Variants in PDCD1LG2 observed in about 807,000 individuals in gnomAD.
PDCD1LG2 encodes programmed cell death 1 ligand 2.
A neutral mutation model predicts 28.2 loss-of-function variants in PDCD1LG2; 32 were observed. The ratio of observed to expected loss-of-function variants is 1.13; its 90% CI spans 0.86 to 1.52. The LOEUF is 1.52. Among genes scored for constraint, PDCD1LG2 ranks in the 40% most tolerant of loss-of-function variants. The pLI is 0.00. For synonymous variants in PDCD1LG2, 116 were observed against 120.2 expected, an observed-to-expected ratio of 0.97 and a Z score of 0.23; for missense variants, 385 against 323.8, an observed-to-expected ratio of 1.19 and a Z score of -1.45.
At chr9:5,530,375 T>C (rs1820458714) in intron 2 of PDCD1LG2, among the ~76,000 whole-genome samples, 1 of 152,088 alleles carries the variant, frequency 6.6e-6, no homozygotes, top group Non-Finnish European at 1.5e-5. Flanking sequence ...TTCTCCTTTG[T>C]CTAATACCTT....
Position 5,569,474 on chromosome 9 carries a change from CCT to C in PDCD1LG2, c.817-472_817-471del, listed in dbSNP as rs1206862657. Among the ~76,000 whole-genome samples, 6 of 152,262 alleles carry C rather than the reference CCT, an allele frequency of 3.9e-5. 1 individual carries two copies. The South Asian group carries it at 6.2e-4, about 16-fold the overall frequency. ...GGTTGCTGAGGAATAGATACCCCAA[CCT>C]CTCTCTCAACCCACTGCAACACTCT... On this transcript the variant is annotated intron_variant, in intron 6 of 6. Coordinates refer to ENST00000397747, the MANE Select transcript of PDCD1LG2 (RefSeq NM_025239.4). The surrounding 1 kb of genome is among the most constrained non-coding windows in gnomAD (Gnocchi z 4.1).
Position 5,559,538 on chromosome 9 carries a change from A to G in PDCD1LG2, c.766+1786A>G, listed in dbSNP as rs1442298817. Among the ~76,000 whole-genome samples the G allele has an allele frequency of 2.0e-5, 3 of 152,154 alleles. No individual in the cohort carries two copies. The East Asian group carries it at 5.8e-4, about 29-fold the overall frequency. ...CTTTCTGACCTTGTACAAATTGCCTATCTTCTTTGAGATGGTCTTTCTATC... is the reference window on the plus strand; with the variant it reads ...CTTTCTGACCTTGTACAAATTGCCTGTCTTCTTTGAGATGGTCTTTCTATC... On this transcript the variant is annotated intron_variant, in intron 5 of 6. Transcript: ENST00000397747.
At position 5,570,686 on chromosome 9, in the gene PDCD1LG2, T is replaced by C. The variant is rs1816754215; in HGVS notation, c.*727T>C. 1 of 232,280 alleles carries C rather than the reference T, an allele frequency of 4.3e-6. No individual in the cohort carries two copies. The highest frequency in any genetic ancestry group is 2.2e-5 in the African/African-American group (1 of 45,310). 14.4% of individuals were successfully genotyped at this position (232,280 alleles called of 1,614,324 possible). A position where few individuals can be genotyped will look rare whatever the true frequency, so the allele number is the denominator to read the frequency against. On this transcript the variant is annotated 3_prime_UTR_variant, in exon 7 of 7. Coordinates refer to ENST00000397747, the MANE Select transcript of PDCD1LG2 (RefSeq NM_025239.4). ...ATCTTTCCTTTAAAAATTATTGGTTTCTTTTTATTTGTTTTTACCTTAGAA... is the reference window on the plus strand; with the variant it reads ...ATCTTTCCTTTAAAAATTATTGGTTCCTTTTTATTTGTTTTTACCTTAGAA...
chr9:5,552,698 C>T (rs1165394826), intron 4 of PDCD1LG2, among the ~76,000 whole-genome samples: 1 of 152,100 alleles, frequency 6.6e-6, no homozygotes, highest in Non-Finnish European at 1.5e-5. Context: ...GACCAGACTC[C>T]AAGAACTTTG....
chr9:5,514,196 A>C (rs1297566292), intron 1 of PDCD1LG2, among the ~76,000 whole-genome samples: 2 of 152,232 alleles, frequency 1.3e-5, no homozygotes, highest in East Asian at 3.8e-4. Flanking sequence ...TGCACAGACC[A>C]GAGAATTCCA....
intron 4 of PDCD1LG2, among the ~76,000 whole-genome samples, chr9:5,549,977 C>A (rs1228850772): frequency 1.3e-5 from 2 of 152,284 alleles, no homozygotes; most frequent in Non-Finnish European, 2.9e-5. Flanking sequence ...TTGGCTGAAC[C>A]CAGCTAGAAG....
intron 1 of PDCD1LG2, among the ~76,000 whole-genome samples, chr9:5,519,425 C>T (rs1820232555): frequency 6.6e-6 from 1 of 152,094 alleles, no homozygotes; most frequent in South Asian, 2.1e-4. Flanking sequence ...GTCAGCAAGG[C>T]CCCAGGTGTC....
At chr9:5,517,243 A>T (rs1820184772) in intron 1 of PDCD1LG2, among the ~76,000 whole-genome samples, 1 of 152,218 alleles carries the variant, frequency 6.6e-6, no homozygotes, top group Non-Finnish European at 1.5e-5. Context: ...GAGAAAAAAC[A>T]ATGAAAGTGT....
intron 2 of PDCD1LG2, among the ~76,000 whole-genome samples, chr9:5,532,803 T>C (rs573879650): frequency 1.6e-4 from 24 of 152,328 alleles, no homozygotes; most frequent in Non-Finnish European, 3.1e-4. Flanking sequence ...AATTAAAACA[T>C]GGTACGAAAG....
chr9:5,543,309 G>A (rs1483082135), intron 3 of PDCD1LG2, among the ~76,000 whole-genome samples: 1 of 152,118 alleles, frequency 6.6e-6, no homozygotes, highest in East Asian at 1.9e-4. Flanking sequence ...GGAGGCCGAG[G>A]TGGGCAGATC....
At chr9:5,563,093 T>C in intron 5 of PDCD1LG2, 69 bp from the exon 6 acceptor site, 1 of 1,222,484 alleles carries the variant, frequency 8.2e-7, no homozygotes, top group African/African-American at 1.5e-5. Context: ...TGTCCTGCCA[T>C]ATTTTAATCT....
At chr9:5,523,140 C>A (rs1443353098) in intron 2 of PDCD1LG2, among the ~76,000 whole-genome samples, 1 of 152,186 alleles carries the variant, frequency 6.6e-6, no homozygotes, top group African/African-American at 2.4e-5. Flanking sequence ...CCCAAATGAA[C>A]AATGAACCTT....
rs1387262930 is a variant in PDCD1LG2 at position 5,569,982 on chromosome 9, G to A, written c.*23G>A. 1.9e-6 allele frequency: 3 copies of A among 1,613,968 alleles called. 1 individual carries two copies. The highest frequency in any genetic ancestry group is 2.7e-5 in the African/African-American group (2 of 75,008). On this transcript the variant is annotated 3_prime_UTR_variant, in exon 7 of 7. Transcript: ENST00000397747. The surrounding 1 kb of genome is among the most constrained non-coding windows in gnomAD (Gnocchi z 4.1). Reference sequence around the variant, plus strand: ...TGAACCTGTGGTCTTGGGAGCCAGGGTGACCTGATATGACATCTAAAGAAG... The same window carrying A: ...TGAACCTGTGGTCTTGGGAGCCAGGATGACCTGATATGACATCTAAAGAAG...
chr9:5,514,973 T>C (rs1820129255), intron 1 of PDCD1LG2, among the ~76,000 whole-genome samples: 1 of 152,034 alleles, frequency 6.6e-6, no homozygotes, highest in Non-Finnish European at 1.5e-5. Flanking sequence ...AAGATCTTAG[T>C]GAAGTTAGTG....
intron 2 of PDCD1LG2, among the ~76,000 whole-genome samples, chr9:5,528,737 A>G (rs541055269): frequency 4.6e-5 from 7 of 152,142 alleles, no homozygotes; most frequent in Non-Finnish European, 1.0e-4. Context: ...AAGGTTTTAA[A>G]AATTCTCTAT....
At chr9:5,515,054 C>T (rs75651169) in intron 1 of PDCD1LG2, among the ~76,000 whole-genome samples, 412 of 152,230 alleles carry the variant, frequency 2.7e-3, no homozygotes, top group African/African-American at 9.1e-3. Flanking sequence ...GTGATAATGA[C>T]GATGAATGTG....
chr9:5,526,528 C>A (rs1382751390), intron 2 of PDCD1LG2, among the ~76,000 whole-genome samples: 2 of 152,176 alleles, frequency 1.3e-5, no homozygotes, highest in African/African-American at 4.8e-5. Flanking sequence ...GCCTCCAACT[C>A]CCAGGCTCAA....
intron 3 of PDCD1LG2, among the ~76,000 whole-genome samples, chr9:5,538,010 T>A (rs1294694809): frequency 6.6e-6 from 1 of 152,164 alleles, no homozygotes; most frequent in East Asian, 1.9e-4. Flanking sequence ...CAATACAAAA[T>A]CTGTCAAACA....
chr9:5,528,913 A>G (rs1296804351), intron 2 of PDCD1LG2, among the ~76,000 whole-genome samples: 1 of 152,112 alleles, frequency 6.6e-6, no homozygotes, highest in Admixed American at 6.5e-5. Context: ...TATTTTCAGT[A>G]GAGTCGGGGT....
Sources: gnomAD v4.1 joint callset for allele counts (sites outside exome capture counted in the v4.1 genomes callset) on GRCh38, gnomAD v4.1.1 for gene constraint, Gnocchi (gnomAD v3.1) non-coding constraint, MANE v1.5 for transcripts, NCBI Gene and HGNC (gene_info 2026-07-23, HGNC 2026-07-21) for gene names.